Variants in LRGUK observed in about 807,000 individuals in gnomAD.
LRGUK encodes the protein leucine rich repeats and guanylate kinase domain containing, also known as leucine-rich repeat and guanylate kinase domain-containing protein.
A neutral mutation model predicts 76.0 loss-of-function variants in LRGUK; 65 were observed. That is an observed-to-expected ratio of 0.85 (90% confidence interval 0.70 to 1.05). LRGUK has a LOEUF of 1.05. LRGUK is among the 50% of genes least tolerant of loss of function. LRGUK has a pLI of 0.00. For synonymous variants in LRGUK, 268 were observed against 265.6 expected (o/e 1.01, Z -0.09); for missense variants, 758 against 732.8 (o/e 1.03, Z -0.40).
intron 10 of LRGUK, 72 bp downstream of exon 10, chr7:134,178,681 C>A: frequency 8.4e-7 from 1 of 1,192,758 alleles, no homozygotes; most frequent in Non-Finnish European, 1.2e-6. Context: ...CTTCCCCTAA[C>A]CCCTATTTTG....
chr7:134,139,474 T>C (rs780343243), exon 3 of LRGUK: 3 of 1,610,998 alleles, frequency 1.9e-6, no homozygotes, highest in Non-Finnish European at 2.5e-6. Context: ...TCTGTGGATA[T>C]GTTCATCTAC....
At chr7:134,140,671 G>C (rs557388275) in intron 3 of LRGUK, among the ~76,000 whole-genome samples, 1 of 149,928 alleles carries the variant, frequency 6.7e-6, no homozygotes, top group Non-Finnish European at 1.5e-5. Context: ...TGTCTTCTCT[G>C]TTTGATTCTG....
intron 16 of LRGUK, among the ~76,000 whole-genome samples, chr7:134,242,223 T>C (rs530973805): frequency 1.3e-5 from 2 of 151,792 alleles, no homozygotes; most frequent in Non-Finnish European, 1.5e-5. Flanking sequence ...CTGAAGGAGA[T>C]AGAGACACAA....
intron 4 of LRGUK, among the ~76,000 whole-genome samples, chr7:134,145,025 C>T (rs1797912008): frequency 6.6e-6 from 1 of 152,146 alleles, no homozygotes; most frequent in Non-Finnish European, 1.5e-5. Context: ...ACACCCCTTC[C>T]TTGCACTCTC....
intron 4 of LRGUK, among the ~76,000 whole-genome samples, chr7:134,143,912 T>A (rs745824177): frequency 3.9e-5 from 6 of 152,162 alleles, no homozygotes; most frequent in Non-Finnish European, 7.3e-5. Context: ...TTCCTGATGA[T>A]GTCATGCCAC....
intron 5 of LRGUK, among the ~76,000 whole-genome samples, chr7:134,153,451 T>C (rs377701535): frequency 3.0e-4 from 46 of 152,302 alleles, no homozygotes; most frequent in African/African-American, 1.1e-3. Context: ...GTTTATTCTT[T>C]ACCTGTAAAC....
chr7:134,233,722 C>A (rs965957479), intron 16 of LRGUK, among the ~76,000 whole-genome samples: 2 of 152,136 alleles, frequency 1.3e-5, no homozygotes, highest in Non-Finnish European at 2.9e-5. Context: ...CAATGTGAAT[C>A]TTTTTTATTT....
chr7:134,241,954 T>C (rs1163286517), intron 16 of LRGUK, among the ~76,000 whole-genome samples: 1 of 152,218 alleles, frequency 6.6e-6, no homozygotes, highest in Non-Finnish European at 1.5e-5. Flanking sequence ...CCTGAATGAC[T>C]ACTGGGTACA....
intron 11 of LRGUK, among the ~76,000 whole-genome samples, chr7:134,190,948 T>TTCTGGGGATAGACAGTAGGTGAGC (rs1554467160): frequency 2.6e-4 from 11 of 41,710 alleles, no homozygotes; most frequent in Non-Finnish European, 4.1e-4. Flanking sequence ...TTGAGCGGTG[T>TTCTGGGGATAGACAGTAGGTGAGC]GGTGGGATGG....
At chr7:134,216,007 A>G (rs769785147) in intron 15 of LRGUK, among the ~76,000 whole-genome samples, 89 of 152,216 alleles carry the variant, frequency 5.8e-4, no homozygotes, top group Non-Finnish European at 9.8e-4. Context: ...ATTATTGCAA[A>G]CAACACTAAA....
At chr7:134,272,413 C>G in the LRGUK span, among the ~76,000 whole-genome samples, 3 of 151,894 alleles carry the variant, frequency 2.0e-5, no homozygotes. Context: ...CCCTCCTTAC[C>G]TCCCTCCCTT....
downstream of LRGUK, chr7:134,264,699 A>C (rs948691056): frequency 2.6e-5 from 4 of 151,888 alleles, no homozygotes; most frequent in African/African-American, 9.7e-5. Context: ...AAAAAGAAAA[A>C]CCTCCATTGA....
intron 7 of LRGUK, among the ~76,000 whole-genome samples, chr7:134,170,212 C>T (rs779319228): frequency 6.6e-6 from 1 of 151,902 alleles, no homozygotes; most frequent in African/African-American, 2.4e-5. Flanking sequence ...TTCTGCTTTT[C>T]GTTGTACTCA....
chr7:134,202,861 A>G (rs1800834796), intron 15 of LRGUK, among the ~76,000 whole-genome samples: 1 of 152,170 alleles, frequency 6.6e-6, no homozygotes, highest in Non-Finnish European at 1.5e-5. Flanking sequence ...GATGATAGTG[A>G]CGGTGGCACA....
chr7:134,217,641 T>A (rs1585570149), intron 15 of LRGUK, among the ~76,000 whole-genome samples: 2 of 152,294 alleles, frequency 1.3e-5, no homozygotes, highest in South Asian at 4.1e-4. Flanking sequence ...AAGATGTAAT[T>A]CTGTCCTAGA....
chr7:134,158,293 G>A (rs759284004), intron 6 of LRGUK, 134 bp downstream of exon 6: 1 of 746,306 alleles, frequency 1.3e-6, no homozygotes, highest in Non-Finnish European at 2.0e-6. Flanking sequence ...CTTCAGTTTT[G>A]TTTGCTCCTT....
intron 7 of LRGUK, 112 bp downstream of exon 7, chr7:134,163,652 CA>C: frequency 1.1e-6 from 1 of 933,394 alleles, no homozygotes; most frequent in Non-Finnish European, 1.5e-6. Context: ...CATTAAATGT[CA>C]GCTTAGAAAT....
chr7:134,159,378 A>C (rs190888528), intron 6 of LRGUK, among the ~76,000 whole-genome samples: 53 of 151,252 alleles, frequency 3.5e-4, no homozygotes, highest in African/African-American at 1.3e-3. Context: ...ATCTTGGATT[A>C]TCTGCTGATT....
chr7:134,256,459 C>CAA (rs34522132), intron 18 of LRGUK, among the ~76,000 whole-genome samples: 954 of 57,332 alleles, frequency 0.017, 17 homozygotes, highest in African/African-American at 0.048. Context: ...AACTCTGTCT[C>CAA]AAAAAAAAAA....
Sources: allele counts gnomAD v4.1 joint callset (sites outside exome capture counted in the v4.1 genomes callset), GRCh38; gene constraint gnomAD v4.1.1; transcripts MANE v1.5; gene names NCBI Gene and HGNC (gene_info 2026-07-23, HGNC 2026-07-21).